Variants in GSK3B observed in about 807,000 individuals in gnomAD.
GSK3B encodes glycogen synthase kinase 3 beta.
GSK3B carries 15 observed loss-of-function variants against 56.4 expected under a neutral mutation model. The observed-to-expected ratio is 0.27, with a 90% CI of 0.18 to 0.41. GSK3B has a LOEUF of 0.41. GSK3B is among the 10% of genes least tolerant of loss of function. The probability of loss-of-function intolerance (pLI) is 1.00; values close to 1 mark genes in which losing one functional copy is unlikely to be tolerated. For missense variants in GSK3B, 300 were observed against 513.4 expected, an observed-to-expected ratio of 0.58 and a Z score of 4.02; for synonymous variants, 181 against 188.9, an observed-to-expected ratio of 0.96 and a Z score of 0.34.
chr3:120,038,116 T>C (rs756068742), intron 1 of GSK3B, among the ~76,000 whole-genome samples: 7 of 152,148 alleles, frequency 4.6e-5, no homozygotes, highest in African/African-American at 7.2e-5. Flanking sequence ...AGCAAGTAAA[T>C]AGCAAATTCG....
chr3:120,071,151 C>T (rs1364228267), intron 1 of GSK3B, among the ~76,000 whole-genome samples: 5 of 152,168 alleles, frequency 3.3e-5, no homozygotes, highest in East Asian at 1.9e-4. Context: ...AGCACAACAT[C>T]GTTTAGAGTA....
intron 8 of GSK3B, among the ~76,000 whole-genome samples, chr3:119,869,223 C>CAAAA (rs67194724): frequency 0.21 from 11,400 of 54,748 alleles, 3,753 homozygotes; most frequent in East Asian, 0.42. Flanking sequence ...GATTCCATCT[C>CAAAA]AAAAAAAAAA....
chr3:119,906,906 T>C (rs79276915), intron 6 of GSK3B, among the ~76,000 whole-genome samples: 1 of 152,210 alleles, frequency 6.6e-6, no homozygotes, highest in East Asian at 1.9e-4. Context: ...CAGTGACTAC[T>C]TTTTATTGAC....
intron 1 of GSK3B, among the ~76,000 whole-genome samples, chr3:120,042,300 T>C (rs2058070263): frequency 6.6e-6 from 1 of 151,902 alleles, no homozygotes; most frequent in African/African-American, 2.4e-5. Context: ...TAAAGAGAGC[T>C]CAGAATAAAA....
chr3:120,068,846 A>G (rs974179539), intron 1 of GSK3B, among the ~76,000 whole-genome samples: 1 of 152,048 alleles, frequency 6.6e-6, no homozygotes, highest in African/African-American at 2.4e-5. Flanking sequence ...AGTATTATAT[A>G]ATTGAAAACT....
At chr3:119,941,223 G>T (rs1183415041) in intron 3 of GSK3B, among the ~76,000 whole-genome samples, 1 of 152,002 alleles carries the variant, frequency 6.6e-6, no homozygotes, top group African/African-American at 2.4e-5. Context: ...CACCATGTTA[G>T]CCAGGCTGGT....
At chr3:120,047,980 T>G (rs529534593) in intron 1 of GSK3B, among the ~76,000 whole-genome samples, 14 of 152,362 alleles carry the variant, frequency 9.2e-5, no homozygotes, top group African/African-American at 3.1e-4. Context: ...ATATCAATGC[T>G]GTCCAGCTCT....
chr3:120,014,744 T>C (rs989032410), intron 1 of GSK3B, among the ~76,000 whole-genome samples: 6 of 152,260 alleles, frequency 3.9e-5, no homozygotes, highest in Admixed American at 3.9e-4. Flanking sequence ...AAATTTCCTT[T>C]GGGGATAGGA....
chr3:119,963,328 ATTTAT>A (rs1321616554), intron 2 of GSK3B, among the ~76,000 whole-genome samples: 3 of 152,198 alleles, frequency 2.0e-5, no homozygotes, highest in East Asian at 3.8e-4. Context: ...TTTTTACATA[ATTTAT>A]TTTAATCTTA....
rs573210446 is a variant in GSK3B, at chr3:120,078,252, ATG to A, written c.88+15093_88+15094del. Among the ~76,000 whole-genome samples, 251 of 152,330 alleles carry A rather than the reference ATG, an allele frequency of 1.6e-3. 2 individuals are homozygous for A. The highest frequency in any genetic ancestry group is 7.5e-3 in the Admixed American group (114 of 15,302). ...ATGTAAGAAATTAACACAAAAAAAG[ATG>A]TGTTTTTAATTAGATATAATGTGAA... is the stretch of plus-strand genomic sequence containing the variant. On this transcript the variant is annotated intron_variant, in intron 1 of 10. Coordinates refer to ENST00000264235, the MANE Select transcript of GSK3B (RefSeq NM_001146156.2).
At position 120,063,114 on chromosome 3, in the gene GSK3B, C is replaced by T. The variant is rs373621343; in HGVS notation, c.88+30233G>A. Among the ~76,000 whole-genome samples the T allele has an allele frequency of 7.9e-5, 12 of 152,048 alleles. No individual in the cohort carries two copies. The East Asian group carries it at 2.3e-3, about 29-fold the overall frequency. On this transcript the variant is annotated intron_variant, in intron 1 of 10. Transcript: ENST00000264235. ...GTTGCAGAATATTCATGATATGATC[C>T]CAATTTTTTTAAAAAAGCATTCACA...
intron 7 of GSK3B, among the ~76,000 whole-genome samples, chr3:119,900,639 A>G (rs1477484048): frequency 6.6e-6 from 1 of 152,156 alleles, no homozygotes; most frequent in South Asian, 2.1e-4. Context: ...GAAAGTTAAT[A>G]ATCAAACTTA....
intron 2 of GSK3B, among the ~76,000 whole-genome samples, chr3:119,977,778 G>C (rs2057421459): frequency 6.6e-6 from 1 of 152,104 alleles, no homozygotes; most frequent in African/African-American, 2.4e-5. Context: ...CCAATAGGGG[G>C]AAAAAATTTG....
At chr3:119,831,770 C>A (rs2055604958) in intron 10 of GSK3B, among the ~76,000 whole-genome samples, 1 of 152,058 alleles carries the variant, frequency 6.6e-6, no homozygotes, top group African/African-American at 2.4e-5. Context: ...GCTCTGCAAA[C>A]AACTACAGAA....
At chr3:119,988,199 T>G (rs2057534055) in intron 2 of GSK3B, among the ~76,000 whole-genome samples, 1 of 152,234 alleles carries the variant, frequency 6.6e-6, no homozygotes, top group African/African-American at 2.4e-5. Flanking sequence ...TGACAGGAAT[T>G]AATTCCATGA....
rs1400337969 is a variant in GSK3B at position 120,087,336 on chromosome 3, G to T, written c.88+6011C>A. Reference sequence around the variant, plus strand: ...TCACAAGGTCAGGATTTTGAGACCAGCCTGGCCAACACAGTGAAACTCCGT... The same window carrying T: ...TCACAAGGTCAGGATTTTGAGACCATCCTGGCCAACACAGTGAAACTCCGT... On this transcript the variant is annotated intron_variant, in intron 1 of 10. Coordinates refer to ENST00000264235, the MANE Select transcript of GSK3B (RefSeq NM_001146156.2). 2.0e-5 allele frequency among the ~76,000 whole-genome samples: 3 copies of T among 152,134 alleles called. No homozygotes were observed. The East Asian group carries it at 5.8e-4, about 29-fold the overall frequency.
intron 1 of GSK3B, among the ~76,000 whole-genome samples, chr3:120,028,514 T>A (rs1265953540): frequency 6.6e-6 from 1 of 152,232 alleles, no homozygotes; most frequent in Non-Finnish European, 1.5e-5. Context: ...CCAGAAATAC[T>A]GTTAACTCTC....
intron 1 of GSK3B, among the ~76,000 whole-genome samples, chr3:120,022,931 C>G (rs13090721): frequency 2.0e-5 from 3 of 152,148 alleles, no homozygotes; most frequent in Non-Finnish European, 2.9e-5. Context: ...CAGAGTGTCT[C>G]CCACAGTGCT....
intron 1 of GSK3B, among the ~76,000 whole-genome samples, chr3:120,078,397 T>G (rs946319291): frequency 2.0e-5 from 3 of 152,160 alleles, no homozygotes; most frequent in African/African-American, 7.2e-5. Context: ...TCTCTGGGTC[T>G]TCTTTTCTAA....
Sources: allele counts gnomAD v4.1 joint callset (sites outside exome capture counted in the v4.1 genomes callset), GRCh38; gene constraint gnomAD v4.1.1; transcripts MANE v1.5; gene names NCBI Gene and HGNC (gene_info 2026-07-23, HGNC 2026-07-21).